The following KCNN2 variants were observed in gnomAD, a reference collection of about 807,000 sequenced individuals.
KCNN2 encodes the protein small conductance calcium-activated potassium channel protein 2.
Under a neutral mutation model 55.5 loss-of-function variants are expected in KCNN2, and 24 were observed. The observed-to-expected ratio is 0.43, with a 90% confidence interval of 0.31 to 0.61. KCNN2 has a LOEUF of 0.61. KCNN2 is among the 20% of genes least tolerant of loss of function. The pLI is 0.08. For missense variants in KCNN2, 754 were observed against 853.6 expected (o/e 0.88, Z 1.45); for synonymous variants, 431 against 336.1 (o/e 1.28, Z -3.09).
rs768132523 is a variant in KCNN2 at position 114,496,036 on chromosome 5, A to G, written c.2230A>G (p.Ile744Val). ...HALPGLISQT[I>V]RQQQRDFIEA... ...CCTCCCTGGGCTCATAAGCCAGACC[A>G]TCAGGCAGCAGCAGAGAGATTTCAT... The change falls in exon 8 of 8, where the codon ATC becomes GTC. Residue 744 changes from isoleucine to valine, a missense_variant. Physicochemically the swap from Ile to Val is conservative, Grantham distance 29 (BLOSUM62 3). This residue lies in a region of KCNN2 where 164 missense variants were observed against 156.6 expected (regional missense o/e 1.05). Transcript: ENST00000673685. 4 of 1,613,982 alleles carry G rather than the reference A, an allele frequency of 2.5e-6. No homozygotes were observed. The highest frequency in any genetic ancestry group is 2.7e-5 in the African/African-American group (2 of 74,908).
chr5:114,427,078 C>T (rs923138745), intron 3 of KCNN2, among the ~76,000 whole-genome samples: 9 of 152,104 alleles, frequency 5.9e-5, no homozygotes, highest in Admixed American at 2.0e-4. Context: ...CCCACCTGCA[C>T]CTGGAGTCAT....
chr5:114,267,336 G>A (rs559515575), intron 2 of KCNN2, among the ~76,000 whole-genome samples: 1 of 152,004 alleles, frequency 6.6e-6, no homozygotes, highest in South Asian at 2.1e-4. Flanking sequence ...AGGCTTTTTC[G>A]TGTGAGCATC....
intron 1 of KCNN2, among the ~76,000 whole-genome samples, chr5:114,203,332 A>C (rs1753711397): frequency 6.6e-6 from 1 of 152,238 alleles, no homozygotes; most frequent in African/African-American, 2.4e-5. Flanking sequence ...CTTATGTGAC[A>C]GGACAAGATT....
In KCNN2 at chr5:114,180,573, CTAT is replaced by C. The variant is rs910161511; in HGVS notation, c.-270-40900_-270-40898del. 5.3e-5 allele frequency among the ~76,000 whole-genome samples: 8 copies of C among 152,192 alleles called. No homozygotes were observed. In the South Asian group the frequency reaches 6.2e-4, roughly 12 times the overall value. On this transcript the variant is annotated intron_variant, in intron 1 of 10. Coordinates refer to the KCNN2 transcript ENST00000512097. ...TCTATGCAAAAATACTTTTTATTAT[CTAT>C]TATTATATTAATGTCAAAGAATAAT...
chr5:114,107,936 T>G (rs2112578608), intron 1 of KCNN2, among the ~76,000 whole-genome samples: 1 of 152,234 alleles, frequency 6.6e-6, no homozygotes, highest in East Asian at 1.9e-4. Context: ...TCATTGGATC[T>G]ACTATAAGGT....
At chr5:114,450,552 G>T (rs1760627111) in intron 3 of KCNN2, among the ~76,000 whole-genome samples, 1 of 152,170 alleles carries the variant, frequency 6.6e-6, no homozygotes, top group Non-Finnish European at 1.5e-5. Flanking sequence ...AAGTATCAGG[G>T]GCTTGAGAAT....
At chr5:114,273,441 ACT>A (rs1440923728) in intron 2 of KCNN2, among the ~76,000 whole-genome samples, 3 of 152,038 alleles carry the variant, frequency 2.0e-5, no homozygotes, top group African/African-American at 7.2e-5. Context: ...GAATTGCTGC[ACT>A]CTCTACCACA....
chr5:114,110,284 T>A (rs1002366384), intron 1 of KCNN2, among the ~76,000 whole-genome samples: 3 of 151,234 alleles, frequency 2.0e-5, no homozygotes, highest in Non-Finnish European at 4.4e-5. Context: ...GTCTAAGACA[T>A]AACCATGGTG....
chr5:114,286,130 T>A (rs769045675), intron 2 of KCNN2, among the ~76,000 whole-genome samples: 1 of 152,142 alleles, frequency 6.6e-6, no homozygotes, highest in Non-Finnish European at 1.5e-5. Flanking sequence ...CATACAAAAG[T>A]ATAAAATAAA....
At chr5:114,099,807 C>T (rs1352244) in intron 1 of KCNN2, among the ~76,000 whole-genome samples, 32,299 of 151,914 alleles carry the variant, frequency 0.21, 3,979 homozygotes, top group African/African-American at 0.34. Flanking sequence ...ATAGGTATTA[C>T]GTTTGAATTG....
rs113638254 is a variant in KCNN2 at position 114,151,029 on chromosome 5, A to C, written c.-270-70451A>C. On this transcript the variant is annotated intron_variant, in intron 1 of 10. Transcript: ENST00000512097. ...AGAGTGAAACTGTGTCTCAAAACAA[A>C]CAAACAAACAACAACAAAAAAACAA... Among the ~76,000 whole-genome samples the C allele has an allele frequency of 5.4e-3, 824 of 152,228 alleles. 5 individuals carry two copies. Among genetic ancestry groups the C allele is most frequent in the African/African-American group, 0.019 (780 of 41,550 alleles).
At chr5:114,456,204 T>A (rs1760920309) in intron 3 of KCNN2, among the ~76,000 whole-genome samples, 1 of 152,236 alleles carries the variant, frequency 6.6e-6, no homozygotes. Flanking sequence ...GTACTAATGC[T>A]GCTGGTGACT....
chr5:114,313,713 C>G (rs1265808414), intron 2 of KCNN2, among the ~76,000 whole-genome samples: 1 of 152,102 alleles, frequency 6.6e-6, no homozygotes, highest in African/African-American at 2.4e-5. Context: ...CAAAAGGCAT[C>G]TTCCCTTTAA....
At chr5:114,181,530 A>T (rs1451087567) in intron 1 of KCNN2, among the ~76,000 whole-genome samples, 1 of 152,154 alleles carries the variant, frequency 6.6e-6, no homozygotes, top group East Asian at 1.9e-4. Flanking sequence ...TGTATTGAAT[A>T]TGTGGGTATT....
intron 2 of KCNN2, among the ~76,000 whole-genome samples, chr5:114,252,631 T>G (rs1042369229): frequency 6.6e-6 from 1 of 152,038 alleles, no homozygotes; most frequent in Non-Finnish European, 1.5e-5. Context: ...ACTGTGAAAA[T>G]CAGTAGTTTA....
At chr5:114,433,638 G>A (rs999039349) in intron 3 of KCNN2, 5 of 152,532 alleles carry the variant, frequency 3.3e-5, no homozygotes, top group Non-Finnish European at 7.3e-5. Context: ...CACCGCGAAA[G>A]GTCTGCAGCT....
At chr5:114,064,737 A>G (rs1267183063) in intron 1 of KCNN2, among the ~76,000 whole-genome samples, 1 of 152,226 alleles carries the variant, frequency 6.6e-6, no homozygotes, top group African/African-American at 2.4e-5. Context: ...GGCATTTTGA[A>G]AGTTCCTGTA....
chr5:114,416,336 CA>C (rs1311223865), intron 3 of KCNN2, among the ~76,000 whole-genome samples: 1 of 152,020 alleles, frequency 6.6e-6, no homozygotes, highest in African/African-American at 2.4e-5. Context: ...CAAACATTTG[CA>C]ATGTGTCTGA....
At chr5:114,092,856 T>G (rs1472237157) in intron 1 of KCNN2, among the ~76,000 whole-genome samples, 2 of 152,208 alleles carry the variant, frequency 1.3e-5, no homozygotes, top group African/African-American at 4.8e-5. Flanking sequence ...CAGCAAGGCC[T>G]TGGGCCTGGC....
Sources: gnomAD v4.1 joint callset for allele counts (sites outside exome capture counted in the v4.1 genomes callset) on GRCh38, gnomAD v4.1.1 for gene constraint, gnomAD v4.1.1 regional missense constraint, MANE v1.5 for transcripts, NCBI Gene and HGNC (gene_info 2026-07-23, HGNC 2026-07-21) for gene names.